Variants in ADARB2 observed in about 807,000 individuals in gnomAD.
ADARB2 encodes the protein adenosine deaminase RNA specific B2 (inactive), also known as inactive double-stranded RNA-specific editase B2.
Under a neutral mutation model 62.2 loss-of-function variants are expected in ADARB2, and 25 were observed. The observed-to-expected ratio is 0.40, with a 90% CI of 0.29 to 0.56. The LOEUF (loss-of-function observed/expected upper bound fraction) is 0.56. Ranked by LOEUF, ADARB2 falls within the 20% of genes least tolerant of loss-of-function variation. The pLI, the probability that ADARB2 is intolerant of heterozygous loss-of-function variation, is 0.43. For synonymous variants in ADARB2, 572 were observed against 500.8 expected (o/e 1.14, Z -1.90); for missense variants, 1,071 against 1,077.4 (o/e 0.99, Z 0.08).
chr10:1,434,841 C>T (rs1205207002), intron 1 of ADARB2, among the ~76,000 whole-genome samples: 1 of 152,208 alleles, frequency 6.6e-6, no homozygotes, highest in Non-Finnish European at 1.5e-5. Context: ...GGTACAGAAG[C>T]TCTGGAAAAC....
At chr10:1,415,389 G>A (rs964581933) in intron 1 of ADARB2, among the ~76,000 whole-genome samples, 4 of 152,112 alleles carry the variant, frequency 2.6e-5, no homozygotes, top group Admixed American at 2.6e-4. Context: ...ATAAGAAAGG[G>A]TATATGGAGA....
At chr10:1,231,221 C>A (rs1276240490) in intron 6 of ADARB2, among the ~76,000 whole-genome samples, 1 of 152,192 alleles carries the variant, frequency 6.6e-6, no homozygotes, top group African/African-American at 2.4e-5. Flanking sequence ...CAACCCCAAG[C>A]ATTTGGCGGG....
chr10:1,424,628 T>C (rs1352842217), intron 1 of ADARB2, among the ~76,000 whole-genome samples: 1 of 152,022 alleles, frequency 6.6e-6, no homozygotes, highest in Non-Finnish European at 1.5e-5. Flanking sequence ...TGTGTCATGA[T>C]GGTGCATCAG....
intron 2 of ADARB2, among the ~76,000 whole-genome samples, chr10:1,364,725 G>C (rs1313906179): frequency 6.6e-6 from 1 of 152,150 alleles, no homozygotes; most frequent in Non-Finnish European, 1.5e-5. Context: ...ATGATTTAAA[G>C]TACAGGCATG....
intron 1 of ADARB2, among the ~76,000 whole-genome samples, chr10:1,581,119 C>T (rs1303312514): frequency 4.6e-5 from 7 of 152,208 alleles, no homozygotes; most frequent in African/African-American, 1.2e-4. Flanking sequence ...AAAATGTTTA[C>T]GGCCCTCTAT....
At chr10:1,652,989 G>A (rs566715550) in intron 1 of ADARB2, among the ~76,000 whole-genome samples, 2 of 152,290 alleles carry the variant, frequency 1.3e-5, no homozygotes, top group East Asian at 3.9e-4. Flanking sequence ...CTCAGACGAT[G>A]GAGGCCTCCT....
At chr10:1,358,921 AT>A (rs1832223006) in intron 3 of ADARB2, among the ~76,000 whole-genome samples, 1 of 152,188 alleles carries the variant, frequency 6.6e-6, no homozygotes, top group Non-Finnish European at 1.5e-5. Flanking sequence ...TACTGGCATT[AT>A]AGTTTACTTT....
At chr10:1,687,947 T>C (rs1476200550) in intron 1 of ADARB2, among the ~76,000 whole-genome samples, 1 of 152,244 alleles carries the variant, frequency 6.6e-6, no homozygotes, top group African/African-American at 2.4e-5. Flanking sequence ...TTGTCACATA[T>C]GCCGTTGGAT....
chr10:1,432,971 C>T (rs1188777425), intron 1 of ADARB2, among the ~76,000 whole-genome samples: 1 of 151,956 alleles, frequency 6.6e-6, no homozygotes, highest in Non-Finnish European at 1.5e-5. Flanking sequence ...TAAAGGAGAT[C>T]CCAGGTGAAG....
intron 4 of ADARB2, among the ~76,000 whole-genome samples, chr10:1,265,053 G>A (rs994457431): frequency 4.6e-5 from 7 of 152,118 alleles, no homozygotes; most frequent in South Asian, 4.2e-4. Flanking sequence ...GGTCACCACC[G>A]GGCCTTGATG....
At chr10:1,352,591 G>A (rs961480967) in intron 3 of ADARB2, among the ~76,000 whole-genome samples, 45 of 152,154 alleles carry the variant, frequency 3.0e-4, no homozygotes, top group African/African-American at 9.7e-4. Flanking sequence ...TGCATGCAGC[G>A]GCTGCCACTG....
At chr10:1,269,228 C>G (rs769983655) in intron 4 of ADARB2, among the ~76,000 whole-genome samples, 3 of 152,002 alleles carry the variant, frequency 2.0e-5, no homozygotes, top group Non-Finnish European at 2.9e-5. Flanking sequence ...TAAAATTTAC[C>G]AAAGTTTTGT....
chr10:1,564,429 G>A (rs569559388), intron 1 of ADARB2, among the ~76,000 whole-genome samples: 1 of 152,304 alleles, frequency 6.6e-6, no homozygotes, highest in Non-Finnish European at 1.5e-5. Flanking sequence ...TTAAACTAAA[G>A]AGCTTCTGCA....
rs750869535 is a variant in ADARB2, at chr10:1,363,112, G to C, written c.993C>G (p.Ala331=). 8.5e-6 allele frequency: 13 copies of C among 1,536,420 alleles called. No individual in the cohort carries two copies. In the African/African-American group the frequency reaches 1.3e-4, roughly 15 times the overall value. Residue 331 remains alanine, a synonymous_variant, in exon 3 of 10, where the codon GCC becomes GCG. Transcript: ENST00000381312. ...ACAGCTCCTGCAGTGCGGCCTGCGC[G>C]GCCTGACCCCGGGCCAGCTTCTTGC... ...GRSKKLARGQ[A]AQAALQELFD...
Position 1,200,024 on chromosome 10 carries a change from G to T in ADARB2, c.1806C>A (p.Arg602=). 6.3e-7 allele frequency: 1 copy of T among 1,592,102 alleles called. No homozygotes were observed. The change falls in exon 8 of 10, where the codon CGC becomes CGA. Residue 602 remains arginine, a synonymous_variant. Transcript: ENST00000381312. ...TGHLARVMSH[R]MEGVGQLPAS... is the part of the protein sequence containing the mutation. ...CGGGCAGCTGGCCGACACCCTCCAT[G>T]CGGTGGCTCATGACGCGTGCGAGGT...
intron 6 of ADARB2, among the ~76,000 whole-genome samples, chr10:1,227,174 G>T (rs1360253554): frequency 6.6e-6 from 1 of 152,220 alleles, no homozygotes; most frequent in Non-Finnish European, 1.5e-5. Context: ...CTAGCAATCA[G>T]CGAGACTCCG....
At chr10:1,730,292 G>A (rs987506761) in intron 1 of ADARB2, among the ~76,000 whole-genome samples, 1 of 152,146 alleles carries the variant, frequency 6.6e-6, no homozygotes, top group Non-Finnish European at 1.5e-5. Flanking sequence ...GGAGTGAGAC[G>A]GTACTTAACA....
intron 1 of ADARB2, among the ~76,000 whole-genome samples, chr10:1,407,087 T>G (rs1233551028): frequency 6.6e-6 from 1 of 152,232 alleles, no homozygotes; most frequent in East Asian, 1.9e-4. Flanking sequence ...TGCATTAAAT[T>G]AAATGTGTTA....
chr10:1,201,800 AGC>A (rs879598083), intron 7 of ADARB2, among the ~76,000 whole-genome samples: 16,765 of 141,676 alleles, frequency 0.12, 2,892 homozygotes, highest in Middle Eastern at 0.22. Flanking sequence ...TTCATTCCAC[AGC>A]GTGTCTGCCT....
Sources: allele counts gnomAD v4.1 joint callset (sites outside exome capture counted in the v4.1 genomes callset), GRCh38; gene constraint gnomAD v4.1.1; transcripts MANE v1.5; gene names NCBI Gene and HGNC (gene_info 2026-07-23, HGNC 2026-07-21).